The following MAPK6 variants were observed in gnomAD, a reference collection of about 807,000 sequenced individuals.
MAPK6 encodes ERK-3.
MAPK6 carries 19 observed loss-of-function variants against 59.3 expected under a neutral mutation model. The ratio of observed to expected loss-of-function variants is 0.32; its 90% CI spans 0.22 to 0.47. MAPK6 has a LOEUF of 0.47. MAPK6 is among the 20% of genes least tolerant of loss of function. MAPK6 has a pLI of 1.00. For synonymous variants in MAPK6, 316 were observed against 290.3 expected (o/e 1.09, Z -0.90); for missense variants, 724 against 847.9 (o/e 0.85, Z 1.81).
intron 1 of MAPK6, among the ~76,000 whole-genome samples, chr15:52,041,524 G>A (rs1408622278): frequency 6.6e-6 from 1 of 152,180 alleles, no homozygotes; most frequent in Non-Finnish European, 1.5e-5. Flanking sequence ...AATTAAGCAT[G>A]AAAGATGGTG....
At chr15:51,976,432 T>G (rs761503771) in intron 1 of MAPK6, among the ~76,000 whole-genome samples, 2 of 151,576 alleles carry the variant, frequency 1.3e-5, no homozygotes, top group Non-Finnish European at 2.9e-5. Context: ...TATTGAGACA[T>G]AAAATTGAGC....
chr15:52,028,386 C>T (rs1027185884), intron 1 of MAPK6, among the ~76,000 whole-genome samples: 10 of 152,144 alleles, frequency 6.6e-5, no homozygotes, highest in Non-Finnish European at 1.5e-4. Context: ...CGCACCCTGC[C>T]AGCCTGTTGA....
chr15:52,016,064 G>GCAAACACACACACACACACACA (rs1219275611), upstream of MAPK6, among the ~76,000 whole-genome samples: 1 of 54,954 alleles, frequency 1.8e-5, no homozygotes, highest in South Asian at 7.5e-4. Flanking sequence ...GCGCGCGCGC[G>GCAAACACACACACACACACACA]CGCGCGCACA....
chr15:52,054,261 G>A (rs1425653249), intron 3 of MAPK6, among the ~76,000 whole-genome samples: 1 of 151,554 alleles, frequency 6.6e-6, no homozygotes, highest in South Asian at 2.1e-4. Flanking sequence ...CCAGCTACTC[G>A]GGAGGCTGAG....
At chr15:52,053,622 GATTGGTTGATTGATTGATTGA>G (rs2031861330) in intron 3 of MAPK6, among the ~76,000 whole-genome samples, 2 of 132,728 alleles carry the variant, frequency 1.5e-5, no homozygotes, top group African/African-American at 3.3e-5. Flanking sequence ...TTGATTGATT[GATTGGTTGATTGATTGATTGA>G]TTGATTGATT....
At chr15:52,016,052 T>A (rs1236042142), upstream of MAPK6, among the ~76,000 whole-genome samples, 3 of 68,716 alleles carry the variant, frequency 4.4e-5, no homozygotes, top group Non-Finnish European at 8.2e-5. Context: ...CCAAACTCCA[T>A]CGCGCGCGCG....
chr15:51,982,955 G>A (rs2057179115), intron 1 of MAPK6, among the ~76,000 whole-genome samples: 1 of 152,290 alleles, frequency 6.6e-6, no homozygotes, highest in African/African-American at 2.4e-5. Context: ...TTAAATGGGT[G>A]TGACATTTTA....
chr15:51,988,171 C>T (rs1424171186), intron 2 of MAPK6, among the ~76,000 whole-genome samples: 1 of 151,792 alleles, frequency 6.6e-6, no homozygotes, highest in Non-Finnish European at 1.5e-5. Flanking sequence ...AGCTGATGGC[C>T]ACTAAATGTT....
At chr15:51,991,180 C>CACACACAT (rs754215367) in intron 2 of MAPK6, among the ~76,000 whole-genome samples, 2 of 142,886 alleles carry the variant, frequency 1.4e-5, no homozygotes, top group Non-Finnish European at 3.0e-5. Flanking sequence ...CACACACACA[C>CACACACAT]ATATATATAT....
At chr15:52,055,314 G>A (rs1033038974) in intron 3 of MAPK6, among the ~76,000 whole-genome samples, 12 of 152,158 alleles carry the variant, frequency 7.9e-5, no homozygotes, top group African/African-American at 2.7e-4. Flanking sequence ...GGCTCAGGTG[G>A]GAGGATTGCT....
chr15:52,036,819 C>T (rs954898713), intron 1 of MAPK6, among the ~76,000 whole-genome samples: 2 of 151,634 alleles, frequency 1.3e-5, no homozygotes, highest in African/African-American at 2.4e-5. Flanking sequence ...TTTCCCTCCC[C>T]TCCTCTCCCC....
At position 52,053,984 on chromosome 15, in the gene MAPK6, T is replaced by C. The variant is rs1287513691; in HGVS notation, c.700+3847T>C. Among the ~76,000 whole-genome samples, 3 of 152,036 alleles carry C rather than the reference T, an allele frequency of 2.0e-5. No homozygotes were observed. The East Asian group carries it at 5.8e-4, about 29-fold the overall frequency. ...AGTCCAGTTACCTTTTTCTTTTGTC[T>C]CTTTTGTTTTTGGTGTCATGTCTGA... On this transcript the variant is annotated intron_variant, in intron 3 of 5. Coordinates refer to ENST00000261845, the MANE Select transcript of MAPK6 (RefSeq NM_002748.4).
chr15:52,057,902 G>A (rs1023360254), intron 3 of MAPK6, among the ~76,000 whole-genome samples: 3 of 152,202 alleles, frequency 2.0e-5, no homozygotes, highest in African/African-American at 7.2e-5. Flanking sequence ...CCACAAGATT[G>A]TAAGATCCAT....
chr15:52,045,333 CAA>C (rs2031564442), intron 1 of MAPK6, among the ~76,000 whole-genome samples: 1 of 152,106 alleles, frequency 6.6e-6, no homozygotes, highest in Non-Finnish European at 1.5e-5. Flanking sequence ...ATTCATTGTT[CAA>C]GTTTACTCTT....
chr15:51,973,802 G>A lies in MAPK6; in HGVS notation c.-880+1896G>A, dbSNP rs185754849. On this transcript the variant is annotated intron_variant, in intron 1 of 7. Transcript: ENST00000691380. ...TGAGTAGCTGGGATTACAGGCATGC[G>A]CCACCATATCCGGTTAATTTTGTAT... Among the ~76,000 whole-genome samples the A allele has an allele frequency of 1.2e-4, 18 of 151,846 alleles. No homozygotes were observed. In the South Asian group the frequency reaches 1.7e-3, roughly 14 times the overall value.
At chr15:52,016,058 G>GCA (rs1415530765), upstream of MAPK6, among the ~76,000 whole-genome samples, 12 of 54,876 alleles carry the variant, frequency 2.2e-4, no homozygotes, top group South Asian at 1.7e-3. Flanking sequence ...TCCATCGCGC[G>GCA]CGCGCGCGCG....
intron 1 of MAPK6, among the ~76,000 whole-genome samples, chr15:52,025,949 T>G (rs10518674): frequency 0.74 from 112,665 of 152,078 alleles, 44,468 homozygotes; most frequent in Non-Finnish European, 0.89. Flanking sequence ...GAGAGTATGT[T>G]GACTTAGTTT....
chr15:52,058,606 G>GT (rs772615243), intron 3 of MAPK6, 27 bp from the exon 4 acceptor site: 12 of 1,561,962 alleles, frequency 7.7e-6, no homozygotes, highest in Non-Finnish European at 9.6e-6. Flanking sequence ...TGAGGAATGT[G>GT]TTTTTTTGTT....
chr15:52,022,848 C>G (rs981364017), intron 1 of MAPK6, among the ~76,000 whole-genome samples: 1 of 151,968 alleles, frequency 6.6e-6, no homozygotes, highest in African/African-American at 2.4e-5. Context: ...CAGTGGCTAA[C>G]GCTTGTAATC....
Sources: allele counts gnomAD v4.1 joint callset (sites outside exome capture counted in the v4.1 genomes callset), GRCh38; gene constraint gnomAD v4.1.1; transcripts MANE v1.5; gene names NCBI Gene and HGNC (gene_info 2026-07-23, HGNC 2026-07-21).